AAK1: variants seen among roughly 807,000 people sequenced by gnomAD.
AAK1 encodes the protein AP2-associated protein kinase 1.
A neutral mutation model predicts 116.0 loss-of-function variants in AAK1; 37 were observed. The ratio of observed to expected loss-of-function variants is 0.32; its 90% CI spans 0.25 to 0.42. AAK1 has a LOEUF of 0.42. Ranked by LOEUF, AAK1 falls within the 10% of genes least tolerant of loss-of-function variation. AAK1 has a pLI of 1.00. For synonymous variants in AAK1, 458 were observed against 439.9 expected (o/e 1.04, Z -0.51); for missense variants, 919 against 1,170.6 (o/e 0.79, Z 3.14).
At chr2:69,638,481 T>C (rs1482605848) in intron 2 of AAK1, among the ~76,000 whole-genome samples, 1 of 152,132 alleles carries the variant, frequency 6.6e-6, no homozygotes, top group Non-Finnish European at 1.5e-5. Flanking sequence ...TACCTATTCA[T>C]CAGTCTTTCA....
chr2:69,521,058 A>G (rs762441383), intron 10 of AAK1, 70 bp from the exon 11 acceptor site: 90 of 1,541,520 alleles, frequency 5.8e-5, no homozygotes, highest in Non-Finnish European at 7.9e-5. Context: ...CAGAGGACAC[A>G]ATGCTTCCGC....
chr2:69,590,860 C>G (rs77730732), intron 2 of AAK1, among the ~76,000 whole-genome samples: 2,944 of 152,340 alleles, frequency 0.019, 78 homozygotes, highest in African/African-American at 0.064. Context: ...TGTACTGTCT[C>G]TTCCAATCTC....
At chr2:69,504,099 A>G (rs1329929156) in intron 16 of AAK1, among the ~76,000 whole-genome samples, 1 of 152,106 alleles carries the variant, frequency 6.6e-6, no homozygotes, top group East Asian at 1.9e-4. Context: ...AAATATGACT[A>G]TAAAGATGCA....
chr2:69,567,436 A>G (rs1459136059), intron 2 of AAK1, among the ~76,000 whole-genome samples: 1 of 152,208 alleles, frequency 6.6e-6, no homozygotes, highest in Non-Finnish European at 1.5e-5. Flanking sequence ...TAAACTGCAC[A>G]AGGGCAGGGA....
intron 17 of AAK1, among the ~76,000 whole-genome samples, chr2:69,495,400 C>G (rs1022740961): frequency 7.9e-5 from 12 of 152,200 alleles, no homozygotes; most frequent in African/African-American, 2.4e-4. Context: ...CAGTCCAACA[C>G]ACTTCACTGA....
rs560512562 is a variant in AAK1 at position 69,630,277 on chromosome 2, T to A, written c.163+12601A>T. Among the ~76,000 whole-genome samples the A allele has an allele frequency of 7.5e-4, 110 of 146,442 alleles. 1 individual carries two copies. Among genetic ancestry groups the A allele is most frequent in the Non-Finnish European group, 9.6e-4 (64 of 66,924 alleles). On this transcript the variant is annotated intron_variant, in intron 2 of 21. Transcript: ENST00000409085. ...AAAACAAAAATCAAACTACAATATT[T>A]CTCTTTCTCTTCTCCCTATTCCTCA...
intron 3 of AAK1, among the ~76,000 whole-genome samples, chr2:69,555,368 C>T (rs949279166): frequency 5.9e-5 from 9 of 152,164 alleles, no homozygotes; most frequent in Non-Finnish European, 8.8e-5. Flanking sequence ...TTTCTAAAAT[C>T]TAGAGTAGTG....
intron 2 of AAK1, among the ~76,000 whole-genome samples, chr2:69,574,247 T>C (rs1477463472): frequency 6.6e-6 from 1 of 151,856 alleles, no homozygotes; most frequent in Non-Finnish European, 1.5e-5. Context: ...GGTGCACACC[T>C]GTAATCCCAG....
In AAK1 at chr2:69,505,649, C is replaced by A. The variant is rs1676155553; in HGVS notation, c.2189G>T (p.Gly730Val). The A allele has an allele frequency of 6.2e-7, 1 of 1,613,660 alleles. No individual in the cohort carries two copies. Among genetic ancestry groups the A allele is most frequent in the South Asian group, 1.1e-5 (1 of 91,052 alleles). Residue 730 changes from glycine to valine, a missense_variant, in exon 16 of 22, where the codon GGC becomes GTC. Gly to Val is a moderately radical substitution (Grantham distance 109). This residue lies in a region of AAK1 where 263 missense variants were observed against 285.5 expected (regional missense o/e 0.92). Transcript: ENST00000409085. ...GCCTGGGATCAAACTCTCAGCTGAGCCTCCAAGCTTCTCGGGATGTTTGCC... is the reference window on the plus strand; with the variant it reads ...GCCTGGGATCAAACTCTCAGCTGAGACTCCAAGCTTCTCGGGATGTTTGCC... ...GEGKHPEKLG[G>V]SAESLIPGFQ...
Position 69,475,752 on chromosome 2 carries a change from C to T in AAK1, c.*117G>A, listed in dbSNP as rs1259499495. The T allele has an allele frequency of 5.4e-6, 8 of 1,471,216 alleles. No individual in the cohort carries two copies. Among genetic ancestry groups the T allele is most frequent in the Non-Finnish European group, 7.2e-6 (8 of 1,106,550 alleles). 91.1% of individuals were successfully genotyped at this position (1,471,216 alleles called of 1,614,324 possible). On this transcript the variant is annotated 3_prime_UTR_variant, in exon 22 of 22. Transcript: ENST00000409085. ...GAAGGCAAGGGGTAGGAGAAAAGGG[C>T]TGGAGGGCCCCTTATTTGCAGATTT...
chr2:69,605,538 CA>C (rs1673763720), intron 2 of AAK1, among the ~76,000 whole-genome samples: 1 of 152,178 alleles, frequency 6.6e-6, no homozygotes. Context: ...TGACATCTGA[CA>C]TAACTATGGT....
intron 2 of AAK1, among the ~76,000 whole-genome samples, chr2:69,624,036 A>G (rs1006979993): frequency 2.0e-5 from 3 of 152,078 alleles, no homozygotes; most frequent in Admixed American, 6.5e-5. Context: ...GAGGGAAGGA[A>G]GAAGGCAGGG....
Position 69,466,357 on chromosome 2 carries a change from C to T in AAK1, c.*9512G>A, listed in dbSNP as rs1226121688. 1.9e-5 allele frequency: 24 copies of T among 1,289,734 alleles called. No homozygotes were observed. The highest frequency in any genetic ancestry group is 2.3e-5 in the Non-Finnish European group (23 of 988,892). 79.9% of individuals were successfully genotyped at this position (1,289,734 alleles called of 1,614,324 possible). Reference sequence around the variant, plus strand: ...ATGTCTCCTTCAAGGTCAGTCCCTTCCTCTTCGCTGCTGTGGAATGAGCTG... The same window carrying T: ...ATGTCTCCTTCAAGGTCAGTCCCTTTCTCTTCGCTGCTGTGGAATGAGCTG... On this transcript the variant is annotated 3_prime_UTR_variant, in exon 22 of 22. Coordinates refer to ENST00000409085, the MANE Select transcript of AAK1 (RefSeq NM_014911.5).
chr2:69,597,073 T>C (rs79757930), intron 2 of AAK1, among the ~76,000 whole-genome samples: 1,970 of 152,218 alleles, frequency 0.013, 37 homozygotes, highest in African/African-American at 0.046. Context: ...AGTGTTTTAC[T>C]TAAAGCATGG....
At chr2:69,567,487 G>A (rs547469432) in intron 2 of AAK1, among the ~76,000 whole-genome samples, 1 of 152,328 alleles carries the variant, frequency 6.6e-6, no homozygotes, top group African/African-American at 2.4e-5. Flanking sequence ...ACCCAGCACA[G>A]TGGCTGCTCC....
At chr2:69,527,139 C>A in intron 9 of AAK1, 77 bp downstream of exon 9, 1 of 1,035,986 alleles carries the variant, frequency 9.7e-7, no homozygotes. Flanking sequence ...TTCATTTAAA[C>A]AGCTGATTAA....
At chr2:69,625,432 AC>A (rs1674851191) in intron 2 of AAK1, among the ~76,000 whole-genome samples, 1 of 152,220 alleles carries the variant, frequency 6.6e-6, no homozygotes. Flanking sequence ...AAACACCCTA[AC>A]AGATCTATAA....
chr2:69,533,791 T>C (rs1670353093), intron 5 of AAK1, among the ~76,000 whole-genome samples: 1 of 152,218 alleles, frequency 6.6e-6, no homozygotes, highest in South Asian at 2.1e-4. Flanking sequence ...ACATAGGTAG[T>C]TTGAACTACA....
chr2:69,633,436 A>AC (rs1675298474), intron 2 of AAK1, among the ~76,000 whole-genome samples: 1 of 151,686 alleles, frequency 6.6e-6, no homozygotes, highest in Non-Finnish European at 1.5e-5. Context: ...CCCCATCTCT[A>AC]CTAAAAACAC....
Sources: allele counts gnomAD v4.1 joint callset (sites outside exome capture counted in the v4.1 genomes callset), GRCh38; gene constraint gnomAD v4.1.1; regional missense constraint gnomAD v4.1.1; transcripts MANE v1.5; gene names NCBI Gene and HGNC (gene_info 2026-07-23, HGNC 2026-07-21).